Variants in HIBCH observed in about 807,000 individuals in gnomAD.
The protein encoded by HIBCH is 3-hydroxyisobutyryl-CoA hydrolase, mitochondrial.
A neutral mutation model predicts 58.2 loss-of-function variants in HIBCH; 50 were observed. The ratio of observed to expected loss-of-function variants is 0.86; its 90% CI spans 0.68 to 1.09. The LOEUF (loss-of-function observed/expected upper bound fraction) is 1.09. Among genes scored for constraint, HIBCH ranks in the 50% least tolerant of loss-of-function variants. The pLI, the probability that HIBCH is intolerant of heterozygous loss-of-function variation, is 0.00. For missense variants in HIBCH, 450 were observed against 449.7 expected, an observed-to-expected ratio of 1.00 and a Z score of -0.01; for synonymous variants, 151 against 146.9, an observed-to-expected ratio of 1.03 and a Z score of -0.20.
At position 190,215,612 on chromosome 2, in the gene HIBCH, A is replaced by C. The variant is rs1690610384; in HGVS notation, c.892-2537T>G. On this transcript the variant is annotated intron_variant, in intron 11 of 13. Coordinates refer to ENST00000359678, the MANE Select transcript of HIBCH (RefSeq NM_014362.4). The surrounding 1 kb of genome is among the most constrained non-coding windows in gnomAD (Gnocchi z 4.4). ...TATTACTAAGAAACTGCAAAAGGTT[A>C]ATGGATGGAATGAAAAACCAATTAA... is the stretch of plus-strand genomic sequence containing the variant. The C allele has an allele frequency of 6.6e-6, 1 of 152,228 alleles. No homozygotes were observed. Among genetic ancestry groups the C allele is most frequent in the Admixed American group, 6.5e-5 (1 of 15,286 alleles). 9.4% of individuals were successfully genotyped at this position (152,228 alleles called of 1,614,324 possible). A position where few individuals can be genotyped will look rare whatever the true frequency, so the allele number is the denominator to read the frequency against.
chr2:190,311,002 A>G, intron 1 of HIBCH: 1 of 690,132 alleles, frequency 1.4e-6, no homozygotes, highest in Non-Finnish European at 2.7e-6. Context: ...AACTTTATTC[A>G]TAACTGCCAA....
chr2:190,227,816 T>C (rs562057211), intron 11 of HIBCH, among the ~76,000 whole-genome samples: 11 of 152,250 alleles, frequency 7.2e-5, no homozygotes, highest in East Asian at 3.9e-4. Flanking sequence ...ATGCTCATCA[T>C]TGGCCATCAG....
chr2:190,211,414 A>C lies in HIBCH; in HGVS notation c.1011+1542T>G, dbSNP rs1289737614. The stretch of plus-strand genomic sequence containing the variant: ...TTTCACACCTGGATCACTGCAGGAA[A>C]TCTATATCTGGTCTCTAAACCGTTC... On this transcript the variant is annotated intron_variant, in intron 12 of 13. Coordinates refer to ENST00000359678, the MANE Select transcript of HIBCH (RefSeq NM_014362.4). This position sits in a 1 kb window ranked among gnomAD's most constrained non-coding sequence, Gnocchi z 5.0. 6.6e-6 allele frequency among the ~76,000 whole-genome samples: 1 copy of C among 152,172 alleles called. No individual in the cohort carries two copies. Among genetic ancestry groups the C allele is most frequent in the Admixed American group, 6.5e-5 (1 of 15,278 alleles).
chr2:190,243,846 C>T lies in HIBCH; in HGVS notation c.891+1041G>A, dbSNP rs1472579870. ...TTAGCCACCCGTGGTGGCACACGCC[C>T]GTAGTCCCAGCTACTCAGGAGGCTG... On this transcript the variant is annotated intron_variant, in intron 11 of 13. Coordinates refer to ENST00000359678, the MANE Select transcript of HIBCH (RefSeq NM_014362.4). This position sits in a 1 kb window ranked among gnomAD's most constrained non-coding sequence, Gnocchi z 4.1. 6.6e-6 allele frequency among the ~76,000 whole-genome samples: 1 copy of T among 152,046 alleles called. No homozygotes were observed. Among genetic ancestry groups the T allele is most frequent in the Admixed American group, 6.6e-5 (1 of 15,264 alleles).
chr2:190,284,647 T>C (rs908967722), intron 6 of HIBCH, among the ~76,000 whole-genome samples: 5 of 152,314 alleles, frequency 3.3e-5, no homozygotes, highest in African/African-American at 1.2e-4. Flanking sequence ...CCCATTGACT[T>C]CTGTCACATT....
rs949137201 is a variant in HIBCH, at chr2:190,208,878, A to G, written c.1045+2T>C. The G allele has an allele frequency of 6.2e-7, 1 of 1,613,408 alleles. No homozygotes were observed. Among genetic ancestry groups the G allele is most frequent in the African/African-American group, 1.3e-5 (1 of 75,012 alleles). On this transcript the variant is annotated splice_donor_variant, in intron 13 of 13. Transcript: ENST00000359678. LOFTEE classifies it high-confidence loss of function. ...AATGGTAAGTTCCCATTTGCCACTTACCAGCTCTAACGCCTTCATGAAAGT... is the reference window on the plus strand; with the variant it reads ...AATGGTAAGTTCCCATTTGCCACTTGCCAGCTCTAACGCCTTCATGAAAGT...
At chr2:190,303,172 T>C (rs574308513) in intron 2 of HIBCH, among the ~76,000 whole-genome samples, 8 of 152,272 alleles carry the variant, frequency 5.3e-5, no homozygotes, top group African/African-American at 1.7e-4. Flanking sequence ...CAGAAACAAT[T>C]AGAGATATGC....
chr2:190,253,336 G>T (rs1333128246), intron 7 of HIBCH, among the ~76,000 whole-genome samples: 1 of 151,966 alleles, frequency 6.6e-6, no homozygotes, highest in Non-Finnish European at 1.5e-5. Flanking sequence ...TAATTATGTT[G>T]GGATAAAAAT....
chr2:190,192,683 T>A (rs1336148515), intron 1 of HIBCH, among the ~76,000 whole-genome samples: 3 of 152,114 alleles, frequency 2.0e-5, no homozygotes, highest in Non-Finnish European at 4.4e-5. Context: ...CTTTACTTTT[T>A]CTCAGTAACA....
At chr2:190,225,362 TAGAC>T (rs1685856483) in intron 11 of HIBCH, among the ~76,000 whole-genome samples, 1 of 152,036 alleles carries the variant, frequency 6.6e-6, no homozygotes, top group Non-Finnish European at 1.5e-5. Flanking sequence ...ACAAAATTGA[TAGAC>T]AGCTAGCAAG....
chr2:190,217,394 G>A lies in HIBCH; in HGVS notation c.892-4319C>T, dbSNP rs909641364. ...AGCTACTTGGGAGGCTGAGGCAGGA[G>A]AATAGCTTGAACCCAGGAGATGGAG... On this transcript the variant is annotated intron_variant, in intron 11 of 13. Coordinates refer to ENST00000359678, the MANE Select transcript of HIBCH (RefSeq NM_014362.4). This position sits in a 1 kb window ranked among gnomAD's most constrained non-coding sequence, Gnocchi z 4.6. 1.3e-5 allele frequency among the ~76,000 whole-genome samples: 2 copies of A among 152,156 alleles called. No homozygotes were observed. Among genetic ancestry groups the A allele is most frequent in the Non-Finnish European group, 2.9e-5 (2 of 68,034 alleles).
At chr2:190,297,676 C>T (rs1688139934) in intron 2 of HIBCH, among the ~76,000 whole-genome samples, 1 of 152,180 alleles carries the variant, frequency 6.6e-6, no homozygotes, top group South Asian at 2.1e-4. Flanking sequence ...AATAAAACAC[C>T]TGTAAGGAAC....
At chr2:190,252,080 C>T in intron 8 of HIBCH, 82 bp downstream of exon 8, 1 of 1,335,160 alleles carries the variant, frequency 7.5e-7, no homozygotes, top group South Asian at 1.2e-5. Flanking sequence ...GTCTGTGGCT[C>T]TCAACCACCC....
chr2:190,237,611 T>C (rs1358653550), intron 11 of HIBCH, among the ~76,000 whole-genome samples: 1 of 152,142 alleles, frequency 6.6e-6, no homozygotes, highest in Non-Finnish European at 1.5e-5. Flanking sequence ...TTTAACTTTG[T>C]AAGAAACTGC....
chr2:190,295,906 T>C (rs147120350), intron 3 of HIBCH, among the ~76,000 whole-genome samples: 375 of 152,310 alleles, frequency 2.5e-3, no homozygotes, highest in African/African-American at 8.3e-3. Context: ...ATTAGGTACT[T>C]ATATATACTA....
chr2:190,283,022 G>T (rs1687744550), intron 6 of HIBCH, among the ~76,000 whole-genome samples: 1 of 152,106 alleles, frequency 6.6e-6, no homozygotes, highest in Non-Finnish European at 1.5e-5. Context: ...TGAGCATCCT[G>T]AATCCAAAAC....
At chr2:190,274,913 T>C (rs1432702094) in intron 6 of HIBCH, among the ~76,000 whole-genome samples, 1 of 152,252 alleles carries the variant, frequency 6.6e-6, no homozygotes, top group Non-Finnish European at 1.5e-5. Context: ...ATTTCCTTTC[T>C]AGGTACACAT....
downstream of HIBCH, chr2:190,199,850 C>T: frequency 6.2e-7 from 1 of 1,610,948 alleles, no homozygotes; most frequent in Non-Finnish European, 8.5e-7. Flanking sequence ...CCACAAACAG[C>T]TCTTCATAAC....
At chr2:190,309,565 T>G (rs1688505300) in intron 2 of HIBCH, among the ~76,000 whole-genome samples, 1 of 152,022 alleles carries the variant, frequency 6.6e-6, no homozygotes, top group Admixed American at 6.6e-5. Context: ...TAGATTTTTT[T>G]TTTTTTTTTA....
Sources: gnomAD v4.1 joint callset for allele counts (sites outside exome capture counted in the v4.1 genomes callset) on GRCh38, gnomAD v4.1.1 for gene constraint, Gnocchi (gnomAD v3.1) non-coding constraint, MANE v1.5 for transcripts, NCBI Gene and HGNC (gene_info 2026-07-23, HGNC 2026-07-21) for gene names.